Variants in TMEM38A observed in about 807,000 individuals in gnomAD.
The protein encoded by TMEM38A is transmembrane protein 38A.
In TMEM38A, 17 loss-of-function variants were observed where a neutral mutation model predicts 28.6. The ratio of observed to expected loss-of-function variants is 0.60; its 90% CI spans 0.41 to 0.89. The LOEUF (loss-of-function observed/expected upper bound fraction) is 0.89. Among genes scored for constraint, TMEM38A ranks in the 40% least tolerant of loss-of-function variants. The probability of loss-of-function intolerance (pLI) is 0.00; values close to 1 mark genes in which losing one functional copy is unlikely to be tolerated. For synonymous variants in TMEM38A, 169 were observed against 166.1 expected (o/e 1.02, Z -0.14); for missense variants, 328 against 393.1 (o/e 0.83, Z 1.40).
intron 1 of TMEM38A, among the ~76,000 whole-genome samples, chr19:16,670,922 G>C (rs990539446): frequency 6.6e-6 from 1 of 152,012 alleles, no homozygotes; most frequent in Non-Finnish European, 1.5e-5. Context: ...CTGGGCGACA[G>C]AGCAAGACCC....
chr19:16,670,656 C>T (rs1264657986), intron 1 of TMEM38A, among the ~76,000 whole-genome samples: 1 of 152,036 alleles, frequency 6.6e-6, no homozygotes, highest in African/African-American at 2.4e-5. Context: ...GTCCCATGTC[C>T]AGCCGGGTGC....
At chr19:16,688,002 G>T in intron 5 of TMEM38A, 142 bp from the exon 6 acceptor site, 1 of 545,952 alleles carries the variant, frequency 1.8e-6, no homozygotes, top group Non-Finnish European at 3.1e-6. Context: ...CATGCAGCCA[G>T]AGGGCTGGGT....
In TMEM38A at chr19:16,682,370, G is replaced by A. The variant is rs1272155065; in HGVS notation, c.467-51G>A. On this transcript the variant is annotated intron_variant, in intron 3 of 5. Transcript: ENST00000187762. ...GCTTCCTTGGGAATTCAAACAAGAG[G>A]AAAGGAGACCTGGGGGTGGTGGGCT... 6 of 1,483,598 alleles carry A rather than the reference G, an allele frequency of 4.0e-6. No homozygotes were observed. The Admixed American group carries it at 8.4e-5, about 21-fold the overall frequency. 91.9% of individuals were successfully genotyped at this position (1,483,598 alleles called of 1,614,324 possible). A position where few individuals can be genotyped will look rare whatever the true frequency, so the allele number is the denominator to read the frequency against.
At chr19:16,676,169 G>A (rs1334219627) in intron 1 of TMEM38A, among the ~76,000 whole-genome samples, 1 of 133,776 alleles carries the variant, frequency 7.5e-6, no homozygotes, top group Non-Finnish European at 1.5e-5. Context: ...GACCATCTTG[G>A]CTAACACAGT....
At chr19:16,682,299 C>T (rs1393372600) in intron 3 of TMEM38A, 122 bp from the exon 4 acceptor site, 42 of 750,382 alleles carry the variant, frequency 5.6e-5, no homozygotes, top group Non-Finnish European at 6.5e-5. Context: ...TCATACACCC[C>T]CAGGCTCAGT....
intron 4 of TMEM38A, 38 bp downstream of exon 4, chr19:16,682,546 G>A (rs751722724): frequency 1.9e-6 from 3 of 1,578,696 alleles, no homozygotes; most frequent in Admixed American, 1.7e-5. Flanking sequence ...CATGCCTCCT[G>A]TATGTCCGGG....
intron 4 of TMEM38A, 62 bp downstream of exon 4, chr19:16,682,570 G>T (rs2086786524): frequency 1.4e-6 from 2 of 1,450,708 alleles, no homozygotes; most frequent in Admixed American, 1.7e-5. Context: ...CTGACCCTGA[G>T]TTGGATGCTG....
intron 4 of TMEM38A, among the ~76,000 whole-genome samples, chr19:16,683,322 CT>C (rs2086789083): frequency 6.6e-6 from 1 of 151,840 alleles, no homozygotes; most frequent in Non-Finnish European, 1.5e-5. Context: ...GGTGTGGTGG[CT>C]CACACCTGTA....
intron 3 of TMEM38A, among the ~76,000 whole-genome samples, chr19:16,681,131 C>CA (rs1327812224): frequency 1.3e-5 from 2 of 152,074 alleles, no homozygotes; most frequent in African/African-American, 4.8e-5. Flanking sequence ...CTTTCGTGTG[C>CA]AGAAAATAGA....
intron 1 of TMEM38A, among the ~76,000 whole-genome samples, chr19:16,665,245 G>T (rs1445519104): frequency 6.6e-6 from 1 of 151,732 alleles, no homozygotes; most frequent in Non-Finnish European, 1.5e-5. Context: ...GGTGAGCCAA[G>T]ATTGTGCCAT....
chr19:16,679,891 G>T, intron 1 of TMEM38A, 93 bp from the exon 2 acceptor site: 2 of 1,368,550 alleles, frequency 1.5e-6, no homozygotes, highest in South Asian at 1.5e-5. Context: ...TTGGGTGGGC[G>T]CTCTGGATTA....
At chr19:16,668,502 C>CAAAAA (rs1215843373) in intron 1 of TMEM38A, among the ~76,000 whole-genome samples, 1 of 73,716 alleles carries the variant, frequency 1.4e-5, no homozygotes, top group Non-Finnish European at 3.1e-5. Flanking sequence ...GACTCTGTCT[C>CAAAAA]AAAAAAAAAA....
intron 1 of TMEM38A, among the ~76,000 whole-genome samples, chr19:16,679,166 TA>T (rs746884921): frequency 0.14 from 10,195 of 73,802 alleles, 555 homozygotes; most frequent in Middle Eastern, 0.16. Flanking sequence ...CAAAAAAAGT[TA>T]AAAAAAAAAA....
chr19:16,680,372 G>C (rs1369718190), intron 2 of TMEM38A, 25 bp from the exon 3 acceptor site: 2 of 1,612,442 alleles, frequency 1.2e-6, no homozygotes, highest in Admixed American at 3.3e-5. Context: ...CCATCCCCTG[G>C]CACTCACTGT....
In TMEM38A at chr19:16,688,132, AC is replaced by A; in HGVS notation, c.673-8del. On this transcript the variant is annotated splice_polypyrimidine_tract_variant and intron_variant, in intron 5 of 5. Coordinates refer to ENST00000187762, the MANE Select transcript of TMEM38A (RefSeq NM_024074.4). ...TGTCTCTCTTGCTGTCTCCCTGGCC[AC>A]CCCACCTCAGGTGTTTCTGACAGCC... 7.0e-7 allele frequency: 1 copy of A among 1,420,836 alleles called. No homozygotes were observed. The highest frequency in any genetic ancestry group is 2.7e-5 in the Admixed American group (1 of 37,520). 88.0% of individuals were successfully genotyped at this position (1,420,836 alleles called of 1,614,324 possible). A position where few individuals can be genotyped will look rare whatever the true frequency, so the allele number is the denominator to read the frequency against.
In TMEM38A at chr19:16,661,238, G is replaced by T. The variant is rs371943631; in HGVS notation, c.21G>T (p.Leu7=). 1.9e-6 allele frequency: 3 copies of T among 1,584,090 alleles called. No individual in the cohort carries two copies. Among genetic ancestry groups the T allele is most frequent in the African/African-American group, 1.4e-5 (1 of 72,754 alleles). ...GCGCCATGGAGCTGCTCTCGGCGCT[G>T]AGCCTGGGCGAACTGGCGCTCAGCT... MELLSA[L]SLGELALSFS... Residue 7 remains leucine (L), a synonymous_variant, in exon 1 of 6, where the codon CTG becomes CTT. Transcript: ENST00000187762. The surrounding 1 kb of genome is among the most constrained non-coding windows in gnomAD (Gnocchi z 6.5).
chr19:16,664,808 TCACCCCA>T (rs2086696226), intron 1 of TMEM38A, among the ~76,000 whole-genome samples: 1 of 151,684 alleles, frequency 6.6e-6, no homozygotes, highest in Non-Finnish European at 1.5e-5. Context: ...CGAGCTATGA[TCACCCCA>T]CCGCCCTCCA....
At chr19:16,685,083 T>A (rs1010198186) in intron 4 of TMEM38A, among the ~76,000 whole-genome samples, 3 of 149,342 alleles carry the variant, frequency 2.0e-5, no homozygotes, top group Non-Finnish European at 3.0e-5. Flanking sequence ...AATAAATAAA[T>A]AAAACGAAAT....
chr19:16,668,720 C>T (rs560410758), intron 1 of TMEM38A, among the ~76,000 whole-genome samples: 2 of 152,150 alleles, frequency 1.3e-5, no homozygotes, highest in South Asian at 4.1e-4. Flanking sequence ...GCAGTATGTA[C>T]CCCTTTCAGA....
Sources: allele counts gnomAD v4.1 joint callset (sites outside exome capture counted in the v4.1 genomes callset), GRCh38; gene constraint gnomAD v4.1.1; non-coding constraint Gnocchi (gnomAD v3.1); transcripts MANE v1.5; gene names NCBI Gene and HGNC (gene_info 2026-07-23, HGNC 2026-07-21).